MED12L: variants seen among roughly 807,000 people sequenced by gnomAD.
MED12L encodes mediator complex subunit 12L.
MED12L carries 60 observed loss-of-function variants against 281.3 expected under a neutral mutation model. That is an observed-to-expected ratio of 0.21 (90% confidence interval 0.17 to 0.26). MED12L has a LOEUF of 0.26. Among genes scored for constraint, MED12L ranks in the 10% least tolerant of loss-of-function variants. The pLI is 1.00. For synonymous variants in MED12L, 974 were observed against 987.2 expected, an observed-to-expected ratio of 0.99 and a Z score of 0.25; for missense variants, 2,146 against 2,680.9, an observed-to-expected ratio of 0.80 and a Z score of 4.41.
chr3:151,415,452 A>T (rs936937637), intron 42 of MED12L, among the ~76,000 whole-genome samples: 11 of 152,188 alleles, frequency 7.2e-5, no homozygotes, highest in African/African-American at 2.7e-4. Flanking sequence ...TGCTACCCAG[A>T]CCTCTGCTAG....
intron 16 of MED12L, among the ~76,000 whole-genome samples, chr3:151,305,851 A>G (rs747380119): frequency 4.6e-5 from 7 of 152,178 alleles, no homozygotes; most frequent in Non-Finnish European, 8.8e-5. Context: ...GGCCTGAACA[A>G]TGTTGAAAAC....
At chr3:151,312,380 T>C (rs1034042430) in intron 16 of MED12L, among the ~76,000 whole-genome samples, 6 of 152,236 alleles carry the variant, frequency 3.9e-5, no homozygotes, top group African/African-American at 1.4e-4. Context: ...TTTTTCTTTC[T>C]TAACTAGATC....
At chr3:151,125,047 A>G (rs1714305202) in intron 4 of MED12L, among the ~76,000 whole-genome samples, 1 of 152,222 alleles carries the variant, frequency 6.6e-6, no homozygotes, top group Admixed American at 6.5e-5. Context: ...TTTTCTCTGT[A>G]CTTAGATGCG....
intron 16 of MED12L, among the ~76,000 whole-genome samples, chr3:151,299,687 A>T (rs1745643655): frequency 6.6e-6 from 1 of 151,948 alleles, no homozygotes. Context: ...ATAGTTACCC[A>T]GTAGATTAGG....
chr3:151,126,752 A>G (rs1160515678), intron 4 of MED12L, among the ~76,000 whole-genome samples: 1 of 152,250 alleles, frequency 6.6e-6, no homozygotes, highest in African/African-American at 2.4e-5. Flanking sequence ...TTTGGTTGGC[A>G]TGGAGAAATC....
rs139147022 is a variant in MED12L at position 151,387,224 on chromosome 3, A to G, written c.5089-586A>G. 1.6e-4 allele frequency among the ~76,000 whole-genome samples: 25 copies of G among 152,220 alleles called. No homozygotes were observed. In the East Asian group the frequency reaches 4.8e-3, roughly 29 times the overall value. On this transcript the variant is annotated intron_variant, in intron 36 of 44. Coordinates refer to ENST00000687756, the MANE Select transcript of MED12L (RefSeq NM_001393769.1). ...CGTTTTTTTTTTTCTAGAGTCAGTA[A>G]ATATAAGCTTGAGTTGAAAGACTTT...
chr3:151,362,633 T>C (rs1363466165), intron 21 of MED12L, among the ~76,000 whole-genome samples: 2 of 152,142 alleles, frequency 1.3e-5, no homozygotes, highest in Non-Finnish European at 2.9e-5. Context: ...GAATGTATGC[T>C]TCATGACAGC....
chr3:151,232,316 G>C (rs1011876952), intron 16 of MED12L, among the ~76,000 whole-genome samples: 1 of 152,156 alleles, frequency 6.6e-6, no homozygotes, highest in Non-Finnish European at 1.5e-5. Flanking sequence ...CCAATGTGTG[G>C]AAGTGTTCTC....
intron 39 of MED12L, among the ~76,000 whole-genome samples, chr3:151,407,686 T>A (rs1560133662): frequency 1.3e-5 from 2 of 152,206 alleles, no homozygotes; most frequent in African/African-American, 4.8e-5. Flanking sequence ...GAGATACAAT[T>A]GTTTTTTTAA....
intron 16 of MED12L, among the ~76,000 whole-genome samples, chr3:151,272,449 T>G (rs1015016918): frequency 6.6e-6 from 1 of 152,352 alleles, no homozygotes; most frequent in East Asian, 1.9e-4. Context: ...TAATTCTGCT[T>G]CTTCTGTTCT....
rs145165548 is a variant in MED12L at position 151,357,312 on chromosome 3, G to A, written c.2761G>A (p.Val921Ile). Residue 921 changes from valine (V) to isoleucine (I), a missense_variant, in exon 20 of 45, where the codon GTT (valine) becomes ATT (isoleucine). Around this residue, in one of 9 missense-constraint regions of MED12L, gnomAD observed 404 missense variants for 603.5 expected, o/e 0.67. Coordinates refer to ENST00000687756, the MANE Select transcript of MED12L (RefSeq NM_001393769.1). ...AGGACTGTGTGTCTGCATCGTGGCT[G>A]TTCTCAGGCGCTATCACAGTTGTCT... ...TTGLCVCIVA[V>I]LRRYHSCLIL... The A allele has an allele frequency of 6.2e-7, 1 of 1,613,874 alleles. No individual in the cohort carries two copies.
At chr3:151,328,734 G>A in intron 16 of MED12L, 1 of 1,613,992 alleles carries the variant, frequency 6.2e-7, no homozygotes, top group Non-Finnish European at 8.5e-7. Context: ...AGCTGCCAGG[G>A]TGCCAGGTGT....
rs77294614 is a variant in MED12L, at chr3:151,135,613, C to T, written c.556+7629C>T. On this transcript the variant is annotated intron_variant, in intron 5 of 44. Transcript: ENST00000687756. ...GTTGGATCCCTGCCCAGGCACCTGC[C>T]ACTAGAGTGCCTGCTCCTCACTCCT... is the stretch of plus-strand genomic sequence containing the variant. Among the ~76,000 whole-genome samples the T allele has an allele frequency of 3.7e-3, 565 of 152,300 alleles. 17 individuals are homozygous for T. In the East Asian group the frequency reaches 0.078, roughly 21 times the overall value.
intron 5 of MED12L, among the ~76,000 whole-genome samples, chr3:151,140,847 TTTTGTTTGTTTG>T (rs201249568): frequency 1.9e-4 from 28 of 145,612 alleles, no homozygotes; most frequent in South Asian, 2.2e-4. Context: ...ACGCAGATAA[TTTTGTTTGTTTG>T]TTTGTTTGTT....
At chr3:151,095,491 C>A (rs930893629) in intron 2 of MED12L, among the ~76,000 whole-genome samples, 1 of 152,162 alleles carries the variant, frequency 6.6e-6, no homozygotes, top group Non-Finnish European at 1.5e-5. Flanking sequence ...GCGCATGCCA[C>A]CATGCCCAGC....
intron 2 of MED12L, among the ~76,000 whole-genome samples, chr3:151,113,473 C>T (rs559348268): frequency 2.6e-5 from 4 of 152,118 alleles, no homozygotes; most frequent in Admixed American, 2.6e-4. Context: ...GACATGGTCT[C>T]ACTTGAGTTT....
rs571932675 is a variant in MED12L, at chr3:151,355,608, T to C, written c.2518-288T>C. ...CATCTGTTTTGCTTTACAAATCCATTGATATTCAAATGGTTGTGTCTAAAA... is the reference window on the plus strand; with the variant it reads ...CATCTGTTTTGCTTTACAAATCCATCGATATTCAAATGGTTGTGTCTAAAA... On this transcript the variant is annotated intron_variant, in intron 18 of 44. Coordinates refer to ENST00000687756, the MANE Select transcript of MED12L (RefSeq NM_001393769.1). Among the ~76,000 whole-genome samples, 12 of 152,344 alleles carry C rather than the reference T, an allele frequency of 7.9e-5. No homozygotes were observed. In the South Asian group the frequency reaches 2.5e-3, roughly 32 times the overall value.
chr3:151,326,050 A>G (rs1749553038), intron 16 of MED12L, among the ~76,000 whole-genome samples: 1 of 152,212 alleles, frequency 6.6e-6, no homozygotes, highest in Non-Finnish European at 1.5e-5. Flanking sequence ...CTTAACCATT[A>G]TCAATAGTGC....
chr3:151,192,967 A>G (rs546501590), intron 15 of MED12L, among the ~76,000 whole-genome samples: 3 of 152,082 alleles, frequency 2.0e-5, no homozygotes, highest in African/African-American at 7.2e-5. Context: ...TTTGCTATGT[A>G]TATGTTCAGC....
Sources: allele counts gnomAD v4.1 joint callset (sites outside exome capture counted in the v4.1 genomes callset), GRCh38; gene constraint gnomAD v4.1.1; regional missense constraint gnomAD v4.1.1; transcripts MANE v1.5; gene names NCBI Gene and HGNC (gene_info 2026-07-23, HGNC 2026-07-21).